The following GRM5 variants were observed in gnomAD, a reference collection of about 807,000 sequenced individuals.
The protein encoded by GRM5 is metabotropic glutamate receptor 5.
GRM5 carries 19 observed loss-of-function variants against 83.1 expected under a neutral mutation model. The observed-to-expected ratio is 0.23, with a 90% confidence interval of 0.16 to 0.34. The LOEUF (loss-of-function observed/expected upper bound fraction) is 0.34. GRM5 is among the 10% of genes least tolerant of loss of function. The pLI, the probability that GRM5 is intolerant of heterozygous loss-of-function variation, is 1.00. For missense variants in GRM5, 1,160 were observed against 1,588.3 expected (o/e 0.73, Z 4.58); for synonymous variants, 675 against 633.6 (o/e 1.07, Z -0.98).
intron 3 of GRM5, among the ~76,000 whole-genome samples, chr11:88,699,006 A>G (rs1940965770): frequency 6.6e-6 from 1 of 152,160 alleles, no homozygotes; most frequent in Admixed American, 6.6e-5. Context: ...CCTATGAGTA[A>G]GGACTATTGC....
intron 3 of GRM5, among the ~76,000 whole-genome samples, chr11:88,722,798 C>A (rs1266910103): frequency 1.3e-5 from 2 of 152,086 alleles, no homozygotes; most frequent in Non-Finnish European, 2.9e-5. Context: ...CCAGTTTCCC[C>A]TAATATTAAC....
chr11:89,035,823 G>A (rs1439677224), intron 2 of GRM5, among the ~76,000 whole-genome samples: 1 of 151,960 alleles, frequency 6.6e-6, no homozygotes, highest in Non-Finnish European at 1.5e-5. Flanking sequence ...AACTAATGCA[G>A]CAATTAAATG....
chr11:88,816,479 T>G (rs185172877), intron 3 of GRM5, among the ~76,000 whole-genome samples: 1 of 138,580 alleles, frequency 7.2e-6, no homozygotes, highest in African/African-American at 2.7e-5. Flanking sequence ...GCAGAGGTTG[T>G]GGTGAGCCGA....
intron 2 of GRM5, among the ~76,000 whole-genome samples, chr11:88,962,818 C>T (rs1348613859): frequency 6.6e-5 from 10 of 152,202 alleles, no homozygotes; most frequent in African/African-American, 1.4e-4. Flanking sequence ...CATCCCAGCA[C>T]GGTAGTTCAC....
At chr11:88,760,411 C>T (rs1259700719) in intron 3 of GRM5, among the ~76,000 whole-genome samples, 15 of 151,882 alleles carry the variant, frequency 9.9e-5, no homozygotes, top group Admixed American at 9.9e-4. Flanking sequence ...CAAGTAACCA[C>T]CAGAAAATAT....
chr11:89,010,886 C>A, intron 2 of GRM5, among the ~76,000 whole-genome samples: 1 of 152,066 alleles, frequency 6.6e-6, no homozygotes, highest in African/African-American at 2.4e-5. Flanking sequence ...GAGGATGGCA[C>A]ATGATTATGA....
At chr11:88,774,422 C>T (rs1003004613) in intron 3 of GRM5, among the ~76,000 whole-genome samples, 48 of 152,186 alleles carry the variant, frequency 3.2e-4, no homozygotes, top group African/African-American at 1.1e-3. Flanking sequence ...TCCTCATTTC[C>T]TAATTGAATA....
At chr11:88,758,909 C>A (rs920293945) in intron 3 of GRM5, among the ~76,000 whole-genome samples, 1 of 152,110 alleles carries the variant, frequency 6.6e-6, no homozygotes, top group South Asian at 2.1e-4. Context: ...AGAAACCCTA[C>A]AAGCCAGAAG....
At chr11:88,990,008 A>G in intron 2 of GRM5, among the ~76,000 whole-genome samples, 1 of 151,860 alleles carries the variant, frequency 6.6e-6, no homozygotes, top group African/African-American at 2.4e-5. Context: ...AAATAATTAA[A>G]ATCAGAGCAG....
At chr11:88,855,584 G>A (rs1944460578) in intron 2 of GRM5, among the ~76,000 whole-genome samples, 1 of 151,822 alleles carries the variant, frequency 6.6e-6, no homozygotes, top group African/African-American at 2.4e-5. Context: ...TTTATTTGAT[G>A]CTGAAAACTT....
intron 2 of GRM5, among the ~76,000 whole-genome samples, chr11:89,013,917 T>C (rs750788499): frequency 3.9e-5 from 6 of 152,206 alleles, no homozygotes; most frequent in Non-Finnish European, 8.8e-5. Context: ...GTAACACTTA[T>C]TCATGTAGCC....
At chr11:88,524,515 GC>G (rs1198038374) in intron 9 of GRM5, among the ~76,000 whole-genome samples, 1 of 150,200 alleles carries the variant, frequency 6.7e-6, no homozygotes, top group African/African-American at 2.4e-5. Flanking sequence ...AATGCGCCCG[GC>G]CCCAGGGCCC....
chr11:88,979,292 C>T (rs563329908), intron 2 of GRM5, among the ~76,000 whole-genome samples: 27 of 152,228 alleles, frequency 1.8e-4, no homozygotes, highest in Non-Finnish European at 2.8e-4. Flanking sequence ...GATTTCATAA[C>T]GCCGGGAGGG....
chr11:88,952,631 T>TC (rs1216860738), intron 2 of GRM5, among the ~76,000 whole-genome samples: 1 of 151,754 alleles, frequency 6.6e-6, no homozygotes, highest in Non-Finnish European at 1.5e-5. Context: ...AGAGAGCTTT[T>TC]TTTTTTAATC....
intron 2 of GRM5, among the ~76,000 whole-genome samples, chr11:88,899,520 T>A (rs537815131): frequency 4.9e-4 from 75 of 152,126 alleles, no homozygotes; most frequent in East Asian, 1.9e-4. Flanking sequence ...AATATATCCA[T>A]GTTCTTGAAT....
At chr11:88,801,977 C>T (rs1056728860) in intron 3 of GRM5, among the ~76,000 whole-genome samples, 5 of 152,024 alleles carry the variant, frequency 3.3e-5, no homozygotes, top group Non-Finnish European at 7.4e-5. Context: ...TCCTAAGCTG[C>T]AGGAAACCCC....
chr11:88,749,474 A>G (rs11823518), intron 3 of GRM5, among the ~76,000 whole-genome samples: 13,016 of 152,234 alleles, frequency 0.086, 638 homozygotes, highest in African/African-American at 0.14. Context: ...AGATTGGGGT[A>G]CCAAAAAGAG....
chr11:89,021,776 T>C (rs566713359), intron 2 of GRM5, among the ~76,000 whole-genome samples: 2 of 152,350 alleles, frequency 1.3e-5, no homozygotes, highest in African/African-American at 4.8e-5. Flanking sequence ...TCTCAGTTTG[T>C]CTATGATGGG....
intron 2 of GRM5, among the ~76,000 whole-genome samples, chr11:88,970,981 C>A (rs759084612): frequency 6.6e-6 from 1 of 152,140 alleles, no homozygotes; most frequent in Admixed American, 6.5e-5. Flanking sequence ...AGCCAGTACA[C>A]CCAATATGGA....
Sources: gnomAD v4.1 joint callset for allele counts (sites outside exome capture counted in the v4.1 genomes callset) on GRCh38, gnomAD v4.1.1 for gene constraint, MANE v1.5 for transcripts, NCBI Gene and HGNC (gene_info 2026-07-23, HGNC 2026-07-21) for gene names.